ERBB4: variants seen among roughly 807,000 people sequenced by gnomAD.
ERBB4 encodes the protein erb-b2 receptor tyrosine kinase 4, also known as receptor tyrosine-protein kinase erbB-4.
Under a neutral mutation model 158.0 loss-of-function variants are expected in ERBB4, and 42 were observed. The ratio of observed to expected loss-of-function variants is 0.27; its 90% CI spans 0.21 to 0.34. The LOEUF is 0.34. ERBB4 is among the 10% of genes least tolerant of loss of function. ERBB4 has a pLI of 1.00. For synonymous variants in ERBB4, 583 were observed against 558.7 expected (o/e 1.04, Z -0.61); for missense variants, 1,333 against 1,624.1 (o/e 0.82, Z 3.08).
intron 1 of ERBB4, among the ~76,000 whole-genome samples, chr2:212,130,461 C>T (rs16847767): frequency 0.028 from 4,328 of 152,014 alleles, 146 homozygotes; most frequent in African/African-American, 0.078. Context: ...TTGGTAGCAA[C>T]ATAAAAAGGT....
intron 7 of ERBB4, among the ~76,000 whole-genome samples, chr2:211,716,718 A>G (rs946999992): frequency 1.0e-5 from 1 of 96,146 alleles, no homozygotes; most frequent in Non-Finnish European, 2.1e-5. Flanking sequence ...AACAAAAAAA[A>G]ACAAAAAAAA....
intron 25 of ERBB4, among the ~76,000 whole-genome samples, chr2:211,413,280 T>C (rs956468230): frequency 1.5e-4 from 19 of 128,820 alleles, no homozygotes; most frequent in African/African-American, 5.4e-4. Flanking sequence ...GCACTCTGGC[T>C]TGGGGACAGA....
At chr2:211,476,476 C>G (rs1294752991) in intron 20 of ERBB4, among the ~76,000 whole-genome samples, 5 of 150,840 alleles carry the variant, frequency 3.3e-5, no homozygotes, top group African/African-American at 1.2e-4. Context: ...GTAGAATTGA[C>G]AGAAAGTTAC....
intron 16 of ERBB4, among the ~76,000 whole-genome samples, chr2:211,637,805 T>C (rs1341241227): frequency 6.6e-6 from 1 of 152,012 alleles, no homozygotes; most frequent in East Asian, 1.9e-4. Context: ...AATGCTAACA[T>C]TTTATGTATT....
chr2:211,938,933 G>T (rs926100512), intron 3 of ERBB4, among the ~76,000 whole-genome samples: 1 of 152,132 alleles, frequency 6.6e-6, no homozygotes, highest in African/African-American at 2.4e-5. Flanking sequence ...ACAGATAAGA[G>T]TTTAGCAAGC....
At chr2:211,560,467 T>A (rs2067360905) in intron 20 of ERBB4, among the ~76,000 whole-genome samples, 1 of 151,476 alleles carries the variant, frequency 6.6e-6, no homozygotes, top group Non-Finnish European at 1.5e-5. Flanking sequence ...AGAGATGGGG[T>A]TTCTCCATGT....
At chr2:211,552,568 A>G (rs2067128033) in intron 20 of ERBB4, among the ~76,000 whole-genome samples, 1 of 152,156 alleles carries the variant, frequency 6.6e-6, no homozygotes, top group Non-Finnish European at 1.5e-5. Flanking sequence ...AAATAAAGAA[A>G]GCCCATGGAA....
At chr2:211,413,005 T>G (rs2063296899) in intron 25 of ERBB4, among the ~76,000 whole-genome samples, 1 of 150,920 alleles carries the variant, frequency 6.6e-6, no homozygotes, top group African/African-American at 2.4e-5. Flanking sequence ...TTTAAAAAAT[T>G]TCTACTTAGG....
At chr2:212,400,742 T>A (rs1250951283) in intron 1 of ERBB4, among the ~76,000 whole-genome samples, 1 of 152,174 alleles carries the variant, frequency 6.6e-6, no homozygotes, top group Non-Finnish European at 1.5e-5. Context: ...TGATTATCTG[T>A]GTAAGAACAA....
chr2:211,526,891 G>T (rs2066363629), intron 20 of ERBB4, among the ~76,000 whole-genome samples: 1 of 151,940 alleles, frequency 6.6e-6, no homozygotes, highest in South Asian at 2.1e-4. Context: ...TGAAAATATG[G>T]TCAGAGGAGA....
chr2:211,893,457 CT>C (rs1432288208), intron 3 of ERBB4, among the ~76,000 whole-genome samples: 2 of 139,956 alleles, frequency 1.4e-5, no homozygotes, highest in Admixed American at 7.0e-5. Context: ...CATAAAAACC[CT>C]AGAAGAAAAC....
At chr2:212,227,774 G>A (rs1417785941) in intron 1 of ERBB4, among the ~76,000 whole-genome samples, 3 of 152,024 alleles carry the variant, frequency 2.0e-5, no homozygotes, top group African/African-American at 7.2e-5. Flanking sequence ...ATTAAAGGCC[G>A]TGGACAAGGA....
chr2:212,495,800 T>A (rs1690533432), intron 1 of ERBB4, among the ~76,000 whole-genome samples: 1 of 152,202 alleles, frequency 6.6e-6, no homozygotes, highest in Admixed American at 6.6e-5. Flanking sequence ...TAGGATTCTA[T>A]TTTTACCTAT....
In ERBB4 at chr2:211,379,850, T is replaced by G; in HGVS notation, c.*3765A>C. On this transcript the variant is annotated 3_prime_UTR_variant, in exon 28 of 28. Coordinates refer to ENST00000342788, the MANE Select transcript of ERBB4 (RefSeq NM_005235.3). The stretch of plus-strand genomic sequence containing the variant: ...TATTTACATCCTTCCCTGTCAGGCT[T>G]AAACAATTTTAATTTTCTTTTCATT... The G allele has an allele frequency of 4.3e-6, 1 of 232,068 alleles. No homozygotes were observed. The highest frequency in any genetic ancestry group is 6.1e-5 in the East Asian group (1 of 16,382). 14.4% of individuals were successfully genotyped at this position (232,068 alleles called of 1,614,324 possible).
At chr2:211,445,605 G>A (rs976087573) in intron 20 of ERBB4, among the ~76,000 whole-genome samples, 3 of 152,056 alleles carry the variant, frequency 2.0e-5, no homozygotes, top group African/African-American at 7.2e-5. Flanking sequence ...ATACAATAGG[G>A]ACGTACAAAA....
At chr2:211,596,676 T>G (rs926998228) in intron 19 of ERBB4, among the ~76,000 whole-genome samples, 4 of 152,110 alleles carry the variant, frequency 2.6e-5, no homozygotes, top group Non-Finnish European at 5.9e-5. Context: ...CTTGATGACT[T>G]TTTTTCCCCC....
intron 21 of ERBB4, among the ~76,000 whole-genome samples, chr2:211,429,108 A>ATTAAG (rs2063697331): frequency 6.6e-6 from 1 of 152,164 alleles, no homozygotes; most frequent in South Asian, 2.1e-4. Context: ...ACATTCAGTA[A>ATTAAG]TTAAGTTGCT....
intron 1 of ERBB4, among the ~76,000 whole-genome samples, chr2:212,237,539 G>T (rs774660634): frequency 3.3e-5 from 5 of 152,284 alleles, no homozygotes; most frequent in Non-Finnish European, 7.4e-5. Flanking sequence ...ATGTGTCCCA[G>T]TCTGGAGGCA....
intron 20 of ERBB4, among the ~76,000 whole-genome samples, chr2:211,511,131 C>T (rs1489880789): frequency 6.6e-6 from 1 of 151,960 alleles, no homozygotes; most frequent in Admixed American, 6.6e-5. Context: ...GTATATTAAA[C>T]TGCCTACTTA....
Sources: allele counts gnomAD v4.1 joint callset (sites outside exome capture counted in the v4.1 genomes callset), GRCh38; gene constraint gnomAD v4.1.1; transcripts MANE v1.5; gene names NCBI Gene and HGNC (gene_info 2026-07-23, HGNC 2026-07-21).